EPHA5: variants seen among roughly 807,000 people sequenced by gnomAD.
EPHA5 encodes EPH receptor A5.
Under a neutral mutation model 105.0 loss-of-function variants are expected in EPHA5, and 60 were observed. The ratio of observed to expected loss-of-function variants is 0.57; its 90% CI spans 0.46 to 0.71. The LOEUF (loss-of-function observed/expected upper bound fraction) is 0.71, where lower values mean the gene tolerates loss of function less well. Among genes scored for constraint, EPHA5 ranks in the 30% least tolerant of loss-of-function variants. EPHA5 has a pLI of 0.00. For synonymous variants in EPHA5, 513 were observed against 449.1 expected, an observed-to-expected ratio of 1.14 and a Z score of -1.80; for missense variants, 1,218 against 1,274.7, an observed-to-expected ratio of 0.96 and a Z score of 0.68.
chr4:65,472,797 G>A (rs1350352942), intron 5 of EPHA5, among the ~76,000 whole-genome samples: 2 of 152,158 alleles, frequency 1.3e-5, no homozygotes, highest in Non-Finnish European at 2.9e-5. Flanking sequence ...TAGGAGAGAA[G>A]GGCTGCTCCA....
At chr4:65,375,587 G>A (rs1385890657) in intron 8 of EPHA5, among the ~76,000 whole-genome samples, 2 of 151,974 alleles carry the variant, frequency 1.3e-5, no homozygotes, top group East Asian at 1.9e-4. Flanking sequence ...ACTCATAAAT[G>A]TTCACACTTC....
intron 5 of EPHA5, among the ~76,000 whole-genome samples, chr4:65,440,468 T>C (rs13144450): frequency 6.7e-6 from 1 of 149,274 alleles, no homozygotes; most frequent in Non-Finnish European, 1.5e-5. Flanking sequence ...AAATCTTTTG[T>C]TTTTATTCAA....
chr4:65,385,021 T>C (rs1719945938), intron 8 of EPHA5, among the ~76,000 whole-genome samples: 1 of 151,794 alleles, frequency 6.6e-6, no homozygotes, highest in African/African-American at 2.4e-5. Context: ...ATGATGAACC[T>C]ATTTGTGCTC....
At chr4:65,647,183 G>A (rs1748183446) in intron 1 of EPHA5, among the ~76,000 whole-genome samples, 1 of 151,790 alleles carries the variant, frequency 6.6e-6, no homozygotes, top group Non-Finnish European at 1.5e-5. Flanking sequence ...AAAAAAATTA[G>A]CCGGGTGTGG....
chr4:65,335,076 T>C (rs1441268848), intron 15 of EPHA5, among the ~76,000 whole-genome samples: 3 of 152,006 alleles, frequency 2.0e-5, no homozygotes, highest in African/African-American at 7.2e-5. Context: ...GTCAGAATCA[T>C]AGAACTTTCA....
chr4:65,396,737 A>T (rs1249825352), intron 8 of EPHA5, among the ~76,000 whole-genome samples: 1 of 152,182 alleles, frequency 6.6e-6, no homozygotes, highest in Non-Finnish European at 1.5e-5. Flanking sequence ...GGCCTTGGTA[A>T]AGCACATGTC....
intron 5 of EPHA5, among the ~76,000 whole-genome samples, chr4:65,471,254 A>G (rs1729258697): frequency 6.6e-6 from 1 of 152,232 alleles, no homozygotes; most frequent in Non-Finnish European, 1.5e-5. Context: ...AAACAAGGGC[A>G]TATCTACCTT....
rs10005366 is a variant in EPHA5, at chr4:65,504,818, T to C, written c.911-9275A>G. On this transcript the variant is annotated intron_variant, in intron 3 of 16. Coordinates refer to ENST00000613740, the MANE Select transcript of EPHA5 (RefSeq NM_001281766.3). ...GTTTCTAGGAACAATTTGTATAATA[T>C]AAATACTTATCATAAATAATATAAT... Among the ~76,000 whole-genome samples, 1,274 of 152,132 alleles carry C rather than the reference T, an allele frequency of 8.4e-3. 16 individuals are homozygous for C. Among genetic ancestry groups the C allele is most frequent in the African/African-American group, 0.028 (1,150 of 41,544 alleles).
intron 3 of EPHA5, chr4:65,573,767 T>A (rs1578460894): frequency 6.2e-7 from 1 of 1,612,656 alleles, no homozygotes; most frequent in East Asian, 2.2e-5. Context: ...AGAACGGCGG[T>A]ACCCGGGTGG....
chr4:65,501,145 G>A (rs4487408), intron 3 of EPHA5, among the ~76,000 whole-genome samples: 95,170 of 151,036 alleles, frequency 0.63, 31,055 homozygotes, highest in East Asian at 0.83. Context: ...TGCTATAAGG[G>A]AATTAAAACT....
intron 3 of EPHA5, among the ~76,000 whole-genome samples, chr4:65,575,745 G>T (rs548828049): frequency 1.6e-4 from 24 of 152,124 alleles, no homozygotes; most frequent in African/African-American, 5.8e-4. Flanking sequence ...GCCAAGGCAG[G>T]TGAATGGCCT....
In EPHA5 at chr4:65,531,175, C is replaced by T. The variant is rs1735754172; in HGVS notation, c.911-35632G>A. 2.0e-5 allele frequency among the ~76,000 whole-genome samples: 3 copies of T among 150,704 alleles called. No homozygotes were observed. The South Asian group carries it at 6.3e-4, about 32-fold the overall frequency. ...GCCTCAGCCTCCCGAGTAGCTGGGACTACAGGCGCCCGCCACCGCGCCCGG... is the reference window on the plus strand; with the variant it reads ...GCCTCAGCCTCCCGAGTAGCTGGGATTACAGGCGCCCGCCACCGCGCCCGG... On this transcript the variant is annotated intron_variant, in intron 3 of 16. Coordinates refer to ENST00000613740, the MANE Select transcript of EPHA5 (RefSeq NM_001281766.3).
rs961572873 is a variant in EPHA5 at position 65,404,208 on chromosome 4, A to G, written c.1793+166T>C. Among the ~76,000 whole-genome samples the G allele has an allele frequency of 5.9e-5, 9 of 152,288 alleles. No homozygotes were observed. In the South Asian group the frequency reaches 1.4e-3, roughly 25 times the overall value. ...GAAATTGTGGGCTTAAAAAATATCA[A>G]TAATATGAACAAGATAAGGCTCAGG... On this transcript the variant is annotated intron_variant, in intron 8 of 16. Transcript: ENST00000613740.
chr4:65,378,487 C>T (rs1476418689), intron 8 of EPHA5, among the ~76,000 whole-genome samples: 3 of 151,916 alleles, frequency 2.0e-5, no homozygotes, highest in African/African-American at 7.2e-5. Flanking sequence ...AGTTAACTTT[C>T]CTACCACTTC....
chr4:65,494,339 A>G (rs1731710179), intron 4 of EPHA5, among the ~76,000 whole-genome samples: 1 of 152,190 alleles, frequency 6.6e-6, no homozygotes, highest in African/African-American at 2.4e-5. Flanking sequence ...AAATTTAGAG[A>G]CGGATACTAA....
At chr4:65,528,865 T>G (rs1230290658) in intron 3 of EPHA5, among the ~76,000 whole-genome samples, 1 of 152,120 alleles carries the variant, frequency 6.6e-6, no homozygotes, top group African/African-American at 2.4e-5. Flanking sequence ...TAATATACTG[T>G]CAAGGCTGAC....
chr4:65,593,262 G>A (rs1182311789), intron 3 of EPHA5, among the ~76,000 whole-genome samples: 2 of 151,984 alleles, frequency 1.3e-5, no homozygotes, highest in African/African-American at 4.8e-5. Context: ...ACATTTTGAG[G>A]GGGAGAAATA....
intron 7 of EPHA5, among the ~76,000 whole-genome samples, chr4:65,407,930 AT>A (rs71205364): frequency 2.0e-5 from 3 of 149,834 alleles, no homozygotes; most frequent in Non-Finnish European, 3.0e-5. Context: ...TAATTTTTGC[AT>A]TTTTTTTTGT....
At chr4:65,332,966 G>A (rs1027889731) in intron 15 of EPHA5, among the ~76,000 whole-genome samples, 1 of 151,698 alleles carries the variant, frequency 6.6e-6, no homozygotes, top group Non-Finnish European at 1.5e-5. Context: ...ACACCGAGGA[G>A]TGGTAGATCA....
Sources: gnomAD v4.1 joint callset for allele counts (sites outside exome capture counted in the v4.1 genomes callset) on GRCh38, gnomAD v4.1.1 for gene constraint, MANE v1.5 for transcripts, NCBI Gene and HGNC (gene_info 2026-07-23, HGNC 2026-07-21) for gene names.